The following RBFOX1 variants were observed in gnomAD, a reference collection of about 807,000 sequenced individuals.
The protein encoded by RBFOX1 is RNA binding protein fox-1 homolog 1.
In RBFOX1, 8 loss-of-function variants were observed where a neutral mutation model predicts 57.7. The ratio of observed to expected loss-of-function variants is 0.14; its 90% CI spans 0.08 to 0.25. The LOEUF is 0.25. Ranked by LOEUF, RBFOX1 falls within the 10% of genes least tolerant of loss-of-function variation. The probability of loss-of-function intolerance (pLI) is 1.00; values close to 1 mark genes in which losing one functional copy is unlikely to be tolerated. For missense variants in RBFOX1, 611 were observed against 548.5 expected, an observed-to-expected ratio of 1.11 and a Z score of -1.14; for synonymous variants, 326 against 222.4, an observed-to-expected ratio of 1.47 and a Z score of -4.15.
intron 4 of RBFOX1, among the ~76,000 whole-genome samples, chr16:7,434,237 C>T (rs1371047788): frequency 6.6e-6 from 1 of 152,060 alleles, no homozygotes; most frequent in Non-Finnish European, 1.5e-5. Context: ...TTTGGGACGC[C>T]AAGGCAGGCA....
At chr16:5,374,568 A>T (rs1034638146) in intron 1 of RBFOX1, among the ~76,000 whole-genome samples, 10 of 152,174 alleles carry the variant, frequency 6.6e-5, no homozygotes, top group African/African-American at 2.4e-4. Flanking sequence ...GGAATTACAG[A>T]TGGGCAGGGT....
intron 4 of RBFOX1, among the ~76,000 whole-genome samples, chr16:7,085,025 C>T (rs2059776917): frequency 1.3e-5 from 2 of 152,104 alleles, no homozygotes; most frequent in Non-Finnish European, 2.9e-5. Flanking sequence ...CAGTGTCTTA[C>T]TCAGAATGGA....
chr16:7,187,123 G>A (rs943489257), intron 4 of RBFOX1, among the ~76,000 whole-genome samples: 10 of 151,722 alleles, frequency 6.6e-5, no homozygotes, highest in Non-Finnish European at 1.0e-4. Context: ...GAGCCATGAT[G>A]GTGCCACTGC....
At chr16:5,359,689 G>A (rs188658753) in intron 1 of RBFOX1, among the ~76,000 whole-genome samples, 111 of 152,064 alleles carry the variant, frequency 7.3e-4, no homozygotes, top group African/African-American at 2.6e-3. Context: ...AGTCGTTTGA[G>A]CTTCTTTGCC....
At chr16:6,823,268 T>C (rs1184429058) in intron 3 of RBFOX1, among the ~76,000 whole-genome samples, 1 of 151,992 alleles carries the variant, frequency 6.6e-6, no homozygotes, top group Non-Finnish European at 1.5e-5. Flanking sequence ...TTTTTCTTTT[T>C]TTTCCCCAGA....
chr16:6,653,459 A>G (rs183216539), intron 2 of RBFOX1, among the ~76,000 whole-genome samples: 15 of 152,218 alleles, frequency 9.9e-5, no homozygotes, highest in Admixed American at 2.0e-4. Context: ...TAATGCCACT[A>G]TTGCTTGTGG....
At chr16:6,205,860 A>G (rs1362054900) in intron 1 of RBFOX1, among the ~76,000 whole-genome samples, 1 of 96,016 alleles carries the variant, frequency 1.0e-5, no homozygotes, top group Non-Finnish European at 1.9e-5. Context: ...CTACGAGATC[A>G]TACTTTTTTT....
At chr16:7,324,159 C>T (rs2096581219) in intron 4 of RBFOX1, among the ~76,000 whole-genome samples, 1 of 152,312 alleles carries the variant, frequency 6.6e-6, no homozygotes, top group African/African-American at 2.4e-5. Flanking sequence ...GTCCTTTTTA[C>T]AATGAGCCAT....
intron 3 of RBFOX1, among the ~76,000 whole-genome samples, chr16:5,640,774 CAT>C (rs2048838428): frequency 1.3e-5 from 2 of 151,052 alleles, no homozygotes; most frequent in East Asian, 1.9e-4. Flanking sequence ...CACACAGGCA[CAT>C]ACACACACCA....
At chr16:6,896,877 G>C (rs2067054974) in intron 3 of RBFOX1, among the ~76,000 whole-genome samples, 1 of 152,150 alleles carries the variant, frequency 6.6e-6, no homozygotes, top group Non-Finnish European at 1.5e-5. Context: ...GGTGAGAAAT[G>C]ATTAGGGAAT....
chr16:6,792,356 AT>A (rs2083135027), intron 3 of RBFOX1, among the ~76,000 whole-genome samples: 1 of 152,170 alleles, frequency 6.6e-6, no homozygotes. Context: ...GCATTTTAGG[AT>A]TCTATAATTG....
intron 1 of RBFOX1, among the ~76,000 whole-genome samples, chr16:5,283,798 C>A (rs989353660): frequency 2.4e-4 from 36 of 152,152 alleles, no homozygotes; most frequent in African/African-American, 8.0e-4. Context: ...AGGGATTTGC[C>A]TTGTGTCACA....
chr16:7,134,345 A>G (rs1216686023), intron 4 of RBFOX1, among the ~76,000 whole-genome samples: 1 of 152,198 alleles, frequency 6.6e-6, no homozygotes, highest in Non-Finnish European at 1.5e-5. Flanking sequence ...CTGCTCCAGT[A>G]TATATAACCG....
chr16:5,644,021 G>T (rs953007828), intron 3 of RBFOX1, among the ~76,000 whole-genome samples: 1 of 152,098 alleles, frequency 6.6e-6, no homozygotes, highest in Non-Finnish European at 1.5e-5. Context: ...ACAACAAAAC[G>T]TGCAGACTGC....
intron 3 of RBFOX1, among the ~76,000 whole-genome samples, chr16:5,688,073 C>G (rs965281898): frequency 5.9e-5 from 9 of 152,148 alleles, no homozygotes; most frequent in African/African-American, 2.2e-4. Flanking sequence ...CCCCAGCTGA[C>G]CTAATCTTAA....
intron 4 of RBFOX1, among the ~76,000 whole-genome samples, chr16:5,954,314 C>G (rs1265498120): frequency 6.6e-6 from 1 of 152,102 alleles, no homozygotes; most frequent in Non-Finnish European, 1.5e-5. Context: ...TGAGCATCCT[C>G]CTGTCTAACT....
intron 2 of RBFOX1, among the ~76,000 whole-genome samples, chr16:6,486,220 C>T (rs2095479548): frequency 6.6e-6 from 1 of 150,978 alleles, no homozygotes; most frequent in African/African-American, 2.4e-5. Flanking sequence ...CAGGTACACA[C>T]TCCTCATTGT....
At chr16:5,549,060 G>T (rs1469553116) in intron 2 of RBFOX1, among the ~76,000 whole-genome samples, 1 of 152,186 alleles carries the variant, frequency 6.6e-6, no homozygotes, top group Non-Finnish European at 1.5e-5. Flanking sequence ...TTTGTAGATA[G>T]TATTCTGAAA....
At chr16:7,120,844 C>CACAG (rs1567337102) in intron 4 of RBFOX1, among the ~76,000 whole-genome samples, 3 of 149,956 alleles carry the variant, frequency 2.0e-5, no homozygotes, top group African/African-American at 7.3e-5. Flanking sequence ...CACACACACA[C>CACAG]ACACACACAC....
Sources: allele counts gnomAD v4.1 joint callset (sites outside exome capture counted in the v4.1 genomes callset), GRCh38; gene constraint gnomAD v4.1.1; transcripts MANE v1.5; gene names NCBI Gene and HGNC (gene_info 2026-07-23, HGNC 2026-07-21).